The following TMEM163 variants were observed in gnomAD, a reference collection of about 807,000 sequenced individuals.
The protein encoded by TMEM163 is transmembrane protein 163.
TMEM163 carries 17 observed loss-of-function variants against 29.3 expected under a neutral mutation model. The ratio of observed to expected loss-of-function variants is 0.58; its 90% confidence interval spans 0.40 to 0.87. TMEM163 has a LOEUF of 0.87. Ranked by LOEUF, TMEM163 falls within the 40% of genes least tolerant of loss-of-function variation. The pLI, the probability that TMEM163 is intolerant of heterozygous loss-of-function variation, is 0.00. For synonymous variants in TMEM163, 157 were observed against 160.6 expected (o/e 0.98, Z 0.17); for missense variants, 303 against 381.5 (o/e 0.79, Z 1.71).
chr2:134,644,808 C>T (rs756464223), intron 2 of TMEM163, among the ~76,000 whole-genome samples: 4 of 151,840 alleles, frequency 2.6e-5, no homozygotes, highest in Non-Finnish European at 5.9e-5. Flanking sequence ...GCAAAAGATG[C>T]TATAAAGAGA....
At chr2:134,565,901 C>A (rs1361473700) in intron 2 of TMEM163, among the ~76,000 whole-genome samples, 4 of 152,166 alleles carry the variant, frequency 2.6e-5, no homozygotes, top group Non-Finnish European at 4.4e-5. Context: ...CAAAGCAAAT[C>A]CACAGTGGTA....
chr2:134,481,935 G>C (rs964531295), intron 5 of TMEM163, among the ~76,000 whole-genome samples: 1 of 152,110 alleles, frequency 6.6e-6, no homozygotes, highest in Non-Finnish European at 1.5e-5. Context: ...CTCCTCCAAC[G>C]TGCTCAGCAG....
At chr2:134,537,818 G>A (rs1680574601) in intron 4 of TMEM163, among the ~76,000 whole-genome samples, 1 of 152,172 alleles carries the variant, frequency 6.6e-6, no homozygotes, top group South Asian at 2.1e-4. Context: ...ACGTCAGTGA[G>A]GTGCAGGGCC....
At chr2:134,545,237 A>AC (rs1386218684) in intron 4 of TMEM163, among the ~76,000 whole-genome samples, 1 of 151,070 alleles carries the variant, frequency 6.6e-6, no homozygotes, top group Admixed American at 6.6e-5. Context: ...CCCCACCCGC[A>AC]CCCCCAGGCT....
intron 4 of TMEM163, among the ~76,000 whole-genome samples, chr2:134,512,602 G>C (rs556171869): frequency 6.6e-6 from 1 of 152,294 alleles, no homozygotes; most frequent in Admixed American, 6.5e-5. Flanking sequence ...CATTCATCCC[G>C]CACATTTCCA....
At chr2:134,577,941 G>GA (rs1377352896) in intron 2 of TMEM163, among the ~76,000 whole-genome samples, 1 of 152,150 alleles carries the variant, frequency 6.6e-6, no homozygotes, top group Non-Finnish European at 1.5e-5. Flanking sequence ...GAGGATGTGT[G>GA]TAGGTTACAT....
At chr2:134,521,108 C>T (rs536720262) in intron 4 of TMEM163, among the ~76,000 whole-genome samples, 16 of 152,214 alleles carry the variant, frequency 1.1e-4, no homozygotes, top group African/African-American at 3.6e-4. Flanking sequence ...AAGCAATTCT[C>T]CTGCCTCAGC....
intron 2 of TMEM163, among the ~76,000 whole-genome samples, chr2:134,594,008 G>A (rs1391141490): frequency 6.6e-6 from 1 of 152,066 alleles, no homozygotes; most frequent in African/African-American, 2.4e-5. Context: ...TCCAGGTGGA[G>A]AATTTAAAAG....
chr2:134,510,112 A>G (rs1463078414), intron 4 of TMEM163, among the ~76,000 whole-genome samples: 1 of 152,172 alleles, frequency 6.6e-6, no homozygotes, highest in African/African-American at 2.4e-5. Context: ...CATGGTACAC[A>G]TAACGGATCT....
intron 2 of TMEM163, among the ~76,000 whole-genome samples, chr2:134,609,137 A>G (rs1682431818): frequency 1.6e-4 from 4 of 24,964 alleles, no homozygotes; most frequent in African/African-American, 4.4e-4. Flanking sequence ...ACAGACCCCG[A>G]GAACTGTGCT....
chr2:134,709,323 C>G (rs1442976607), intron 2 of TMEM163, among the ~76,000 whole-genome samples: 5 of 152,150 alleles, frequency 3.3e-5, no homozygotes, highest in Non-Finnish European at 2.9e-5. Flanking sequence ...AGCATTTGAA[C>G]AGATCCAAAA....
Position 134,603,719 on chromosome 2 carries a change from C to T in TMEM163, c.323-51628G>A, listed in dbSNP as rs368621166. ...TGAAGGCTATAGCCTCTAGCACCTA[C>T]CTCCCCCAGGCTAAGGACCCTCTCC... On this transcript the variant is annotated intron_variant, in intron 2 of 7. Coordinates refer to ENST00000281924, the MANE Select transcript of TMEM163 (RefSeq NM_030923.5). 3.3e-5 allele frequency among the ~76,000 whole-genome samples: 5 copies of T among 151,990 alleles called. No individual in the cohort carries two copies. The East Asian group carries it at 7.8e-4, about 24-fold the overall frequency.
intron 2 of TMEM163, among the ~76,000 whole-genome samples, chr2:134,619,233 A>G (rs1171582534): frequency 1.3e-5 from 2 of 152,324 alleles, no homozygotes; most frequent in East Asian, 3.9e-4. Flanking sequence ...AAAGTAGAAG[A>G]CGAAGGAGCA....
At chr2:134,718,666 C>T in intron 1 of TMEM163, 68 bp downstream of exon 1, 1 of 1,080,898 alleles carries the variant, frequency 9.3e-7, no homozygotes. Context: ...GCGCGGCCCG[C>T]GAGTGGGGAG....
intron 1 of TMEM163, among the ~76,000 whole-genome samples, chr2:134,714,429 C>A (rs1271126906): frequency 6.6e-6 from 1 of 152,192 alleles, no homozygotes; most frequent in Non-Finnish European, 1.5e-5. Flanking sequence ...CACACCTACG[C>A]ATCACATAAA....
intron 2 of TMEM163, among the ~76,000 whole-genome samples, chr2:134,671,966 G>A (rs1441856890): frequency 2.6e-5 from 4 of 152,196 alleles, no homozygotes; most frequent in African/African-American, 9.7e-5. Flanking sequence ...GCCTGGCATG[G>A]TGAATGTTCA....
At chr2:134,473,439 G>C (rs992022284) in intron 5 of TMEM163, among the ~76,000 whole-genome samples, 1 of 151,570 alleles carries the variant, frequency 6.6e-6, no homozygotes, top group Non-Finnish European at 1.5e-5. Context: ...AGAGGCTGAG[G>C]CAGGAGAATC....
At chr2:134,662,664 A>C (rs1683782199) in intron 2 of TMEM163, among the ~76,000 whole-genome samples, 1 of 152,128 alleles carries the variant, frequency 6.6e-6, no homozygotes, top group Non-Finnish European at 1.5e-5. Context: ...GAAGGGAGGG[A>C]GGGACTTATG....
intron 2 of TMEM163, among the ~76,000 whole-genome samples, chr2:134,660,351 G>T (rs1310630507): frequency 6.6e-6 from 1 of 152,174 alleles, no homozygotes; most frequent in Non-Finnish European, 1.5e-5. Flanking sequence ...TCTGCAATCA[G>T]GAAGGCAAGA....
Sources: allele counts gnomAD v4.1 joint callset (sites outside exome capture counted in the v4.1 genomes callset), GRCh38; gene constraint gnomAD v4.1.1; transcripts MANE v1.5; gene names NCBI Gene and HGNC (gene_info 2026-07-23, HGNC 2026-07-21).